Variants in SREBF2 observed in about 807,000 individuals in gnomAD.
The protein encoded by SREBF2 is sterol regulatory element-binding protein 2.
SREBF2 carries 55 observed loss-of-function variants against 113.1 expected under a neutral mutation model. That is an observed-to-expected ratio of 0.49 (90% CI 0.39 to 0.61). The LOEUF (loss-of-function observed/expected upper bound fraction) is 0.61, where lower values mean the gene tolerates loss of function less well. Among genes scored for constraint, SREBF2 ranks in the 20% least tolerant of loss-of-function variants. The pLI is 0.00. For synonymous variants in SREBF2, 593 were observed against 605.7 expected (o/e 0.98, Z 0.31); for missense variants, 1,349 against 1,487.4 (o/e 0.91, Z 1.53).
chr22:41,885,493 A>G, intron 11 of SREBF2: 1 of 194,534 alleles, frequency 5.1e-6, no homozygotes, highest in Non-Finnish European at 1.1e-5. Flanking sequence ...GTTAAAGAAA[A>G]GAAAAATGAA....
chr22:41,905,686 CCT>C lies in SREBF2; in HGVS notation c.*34_*35del, dbSNP rs764693514. The stretch of plus-strand genomic sequence containing the variant: ...CCACCAGGCTCAGCCCACCCCTCCA[CCT>C]CTCTCTCGATTTCTCTCTCTCCCCC... On this transcript the variant is annotated 3_prime_UTR_variant, in exon 19 of 19. Coordinates refer to ENST00000361204, the MANE Select transcript of SREBF2 (RefSeq NM_004599.4). The C allele has an allele frequency of 4.8e-5, 74 of 1,549,696 alleles. No homozygotes were observed. The highest frequency in any genetic ancestry group is 5.9e-5 in the South Asian group (5 of 84,246).
intron 1 of SREBF2, among the ~76,000 whole-genome samples, chr22:41,841,606 A>G (rs2076830939): frequency 1.3e-5 from 2 of 152,176 alleles, no homozygotes; most frequent in Non-Finnish European, 1.5e-5. Context: ...TCTCATATTC[A>G]GTTCATATTT....
At chr22:41,853,600 T>G (rs1382589385) in intron 1 of SREBF2, among the ~76,000 whole-genome samples, 1 of 152,136 alleles carries the variant, frequency 6.6e-6, no homozygotes, top group Non-Finnish European at 1.5e-5. Context: ...TTGAAATCCT[T>G]CTGTATTTAC....
intron 1 of SREBF2, among the ~76,000 whole-genome samples, chr22:41,864,261 TACACAC>T (rs1158750306): frequency 0.011 from 546 of 50,892 alleles, 13 homozygotes; most frequent in African/African-American, 0.034. Flanking sequence ...TATATATATA[TACACAC>T]ACACACACAC....
chr22:41,867,965 C>T (rs1278164474), intron 2 of SREBF2, among the ~76,000 whole-genome samples: 2 of 152,218 alleles, frequency 1.3e-5, no homozygotes, highest in Non-Finnish European at 2.9e-5. Context: ...TGAGCATCCA[C>T]TATGGTGATG....
At chr22:41,856,325 C>T (rs1031315819) in intron 1 of SREBF2, among the ~76,000 whole-genome samples, 2 of 151,862 alleles carry the variant, frequency 1.3e-5, no homozygotes, top group Admixed American at 6.6e-5. Flanking sequence ...GATGGAGTCT[C>T]GCTATGTTGC....
chr22:41,892,369 G>A (rs1018763120), intron 11 of SREBF2, among the ~76,000 whole-genome samples: 2 of 152,188 alleles, frequency 1.3e-5, no homozygotes, highest in Non-Finnish European at 2.9e-5. Flanking sequence ...GACATGATGG[G>A]CCAGGCACGG....
chr22:41,878,381 C>T (rs1325373073), intron 9 of SREBF2, among the ~76,000 whole-genome samples: 1 of 152,104 alleles, frequency 6.6e-6, no homozygotes, highest in Non-Finnish European at 1.5e-5. Flanking sequence ...TTGAGCGGGG[C>T]TGCCAAGAGT....
At position 41,906,069 on chromosome 22, in the gene SREBF2, A is replaced by G. The variant is rs545303559; in HGVS notation, c.*409A>G. 12 of 462,724 alleles carry G rather than the reference A, an allele frequency of 2.6e-5. No homozygotes were observed. The highest frequency in any genetic ancestry group is 1.7e-4 in the South Asian group (11 of 64,102). 28.7% of individuals were successfully genotyped at this position (462,724 alleles called of 1,614,324 possible). The stretch of plus-strand genomic sequence containing the variant: ...TGAGCACCAGGGAGCAGTTGCCCTC[A>G]GGCCTGTGCCCAGCATGCCCTCCCC... On this transcript the variant is annotated 3_prime_UTR_variant, in exon 19 of 19. Transcript: ENST00000361204.
intron 13 of SREBF2, among the ~76,000 whole-genome samples, chr22:41,895,531 G>A (rs962227848): frequency 8.0e-5 from 12 of 150,414 alleles, no homozygotes; most frequent in Admixed American, 1.3e-4. Flanking sequence ...TGCCTCCCGG[G>A]TTCAAGTGAT....
At chr22:41,900,234 CA>C (rs1756600447) in intron 15 of SREBF2, 95 bp from the exon 16 acceptor site, 2 of 1,561,856 alleles carry the variant, frequency 1.3e-6, no homozygotes, top group African/African-American at 1.4e-5. Flanking sequence ...CATGTCATAT[CA>C]GTGTGGGGCG....
chr22:41,880,609 G>A (rs1219866580), intron 9 of SREBF2, 107 bp from the exon 10 acceptor site: 2 of 1,410,664 alleles, frequency 1.4e-6, no homozygotes, highest in African/African-American at 2.8e-5. Flanking sequence ...TTTTATGAGT[G>A]TGCACTAATT....
At chr22:41,835,166 T>C (rs1159439739) in intron 1 of SREBF2, among the ~76,000 whole-genome samples, 1 of 30,448 alleles carries the variant, frequency 3.3e-5, no homozygotes, top group Non-Finnish European at 6.3e-5. Flanking sequence ...TTTTTATTTA[T>C]TTAGTTATTT....
At chr22:41,900,851 T>C (rs1043275612) in intron 16 of SREBF2, 5 of 509,272 alleles carry the variant, frequency 9.8e-6, no homozygotes, top group Admixed American at 9.2e-5. Flanking sequence ...GCAGGCAGCC[T>C]TGGAGTGGGT....
chr22:41,845,945 C>T (rs1489220809), intron 1 of SREBF2, among the ~76,000 whole-genome samples: 1 of 152,128 alleles, frequency 6.6e-6, no homozygotes, highest in Non-Finnish European at 1.5e-5. Flanking sequence ...GGGGCAGGAT[C>T]AGAGGAGCCT....
At chr22:41,889,763 G>A (rs1372084353) in intron 11 of SREBF2, among the ~76,000 whole-genome samples, 1 of 151,770 alleles carries the variant, frequency 6.6e-6, no homozygotes, top group Non-Finnish European at 1.5e-5. Context: ...CACTTAAGGA[G>A]GCTGAGGCGG....
intron 1 of SREBF2, among the ~76,000 whole-genome samples, chr22:41,855,417 T>C (rs1045956917): frequency 6.6e-6 from 1 of 152,020 alleles, no homozygotes; most frequent in Non-Finnish European, 1.5e-5. Flanking sequence ...TCCCAGCTAC[T>C]TGGGAGACTG....
At chr22:41,870,217 T>C (rs993235360) in intron 3 of SREBF2, among the ~76,000 whole-genome samples, 3 of 152,256 alleles carry the variant, frequency 2.0e-5, no homozygotes, top group Non-Finnish European at 4.4e-5. Flanking sequence ...TTCTCAGCCA[T>C]GTGTCTGGCT....
chr22:41,870,737 T>G (rs1017020387), intron 3 of SREBF2, 152 bp from the exon 4 acceptor site: 3 of 1,085,904 alleles, frequency 2.8e-6, no homozygotes, highest in Admixed American at 2.1e-5. Flanking sequence ...TGAAATGGCC[T>G]CTATGAAATT....
Sources: gnomAD v4.1 joint callset for allele counts (sites outside exome capture counted in the v4.1 genomes callset) on GRCh38, gnomAD v4.1.1 for gene constraint, MANE v1.5 for transcripts, NCBI Gene and HGNC (gene_info 2026-07-23, HGNC 2026-07-21) for gene names.